KLHL1: variants seen among roughly 807,000 people sequenced by gnomAD.
KLHL1 encodes kelch-like protein 1.
KLHL1 carries 47 observed loss-of-function variants against 77.7 expected under a neutral mutation model. The observed-to-expected ratio is 0.60, with a 90% CI of 0.48 to 0.77. KLHL1 has a LOEUF of 0.77. Ranked by LOEUF, KLHL1 falls within the 30% of genes least tolerant of loss-of-function variation. The pLI is 0.00. For synonymous variants in KLHL1, 360 were observed against 325.2 expected (o/e 1.11, Z -1.15); for missense variants, 925 against 910.8 (o/e 1.02, Z -0.20).
intron 5 of KLHL1, among the ~76,000 whole-genome samples, chr13:69,875,140 G>A (rs530219848): frequency 2.4e-4 from 37 of 152,140 alleles, no homozygotes; most frequent in Middle Eastern, 3.4e-3. Context: ...TGAGATTGGG[G>A]GGAAAATTAC....
chr13:69,724,929 A>G (rs1873229681), intron 8 of KLHL1, among the ~76,000 whole-genome samples: 2 of 152,208 alleles, frequency 1.3e-5, no homozygotes, highest in South Asian at 2.1e-4. Context: ...ATTAATAAAT[A>G]TCATGTTTAC....
intron 8 of KLHL1, among the ~76,000 whole-genome samples, chr13:69,735,552 T>C (rs907015173): frequency 2.7e-5 from 4 of 149,228 alleles, no homozygotes; most frequent in Non-Finnish European, 6.0e-5. Flanking sequence ...ATTATTAATG[T>C]ATAAATAGAT....
intron 5 of KLHL1, among the ~76,000 whole-genome samples, chr13:69,873,071 T>G (rs1880643506): frequency 6.6e-6 from 1 of 152,198 alleles, no homozygotes; most frequent in Admixed American, 6.5e-5. Context: ...ACTCATATAG[T>G]GTTATTGTCA....
At chr13:69,811,747 C>G (rs1253111074) in intron 6 of KLHL1, among the ~76,000 whole-genome samples, 2 of 152,034 alleles carry the variant, frequency 1.3e-5, no homozygotes, top group Non-Finnish European at 2.9e-5. Context: ...TATCAAAAGA[C>G]CCTAGACTTA....
At chr13:69,821,196 C>G (rs1878322437) in intron 6 of KLHL1, among the ~76,000 whole-genome samples, 2 of 152,066 alleles carry the variant, frequency 1.3e-5, no homozygotes, top group African/African-American at 4.8e-5. Context: ...TAGATATGGT[C>G]ATAGTTTGAC....
chr13:69,814,227 C>T (rs1363995374), intron 6 of KLHL1, among the ~76,000 whole-genome samples: 1 of 152,144 alleles, frequency 6.6e-6, no homozygotes, highest in Admixed American at 6.5e-5. Flanking sequence ...TACCTCTCCA[C>T]ACATACAAAA....
At chr13:70,101,950 C>CAAAAA (rs553460889) in intron 1 of KLHL1, among the ~76,000 whole-genome samples, 155 of 128,898 alleles carry the variant, frequency 1.2e-3, no homozygotes, top group African/African-American at 3.8e-3. Context: ...GATAAAGTAG[C>CAAAAA]AAAAAAAAAA....
chr13:69,758,216 T>G (rs542202710), intron 7 of KLHL1, among the ~76,000 whole-genome samples: 2 of 152,204 alleles, frequency 1.3e-5, no homozygotes, highest in East Asian at 3.9e-4. Flanking sequence ...GATGATATAC[T>G]AAATTCTTGT....
At chr13:69,776,516 T>TATCA (rs757104155) in intron 7 of KLHL1, among the ~76,000 whole-genome samples, 16 of 152,216 alleles carry the variant, frequency 1.1e-4, no homozygotes, top group Admixed American at 2.0e-4. Context: ...TTTTAATATC[T>TATCA]ATCATTCTAA....
chr13:69,960,578 A>G (rs1170830689), intron 3 of KLHL1, among the ~76,000 whole-genome samples: 1 of 152,050 alleles, frequency 6.6e-6, no homozygotes, highest in African/African-American at 2.4e-5. Flanking sequence ...AACATTTGGC[A>G]TTATATCACA....
intron 7 of KLHL1, among the ~76,000 whole-genome samples, chr13:69,747,379 T>G (rs1340910709): frequency 6.6e-6 from 1 of 152,052 alleles, no homozygotes; most frequent in Non-Finnish European, 1.5e-5. Context: ...ATTGATATAG[T>G]CAAGTTTCTA....
In KLHL1 at chr13:69,975,731, T is replaced by C. The variant is rs1469248809; in HGVS notation, c.569A>G (p.Gln190Arg). 8.1e-6 allele frequency: 13 copies of C among 1,613,544 alleles called. No homozygotes were observed. Among genetic ancestry groups the C allele is most frequent in the Non-Finnish European group, 1.1e-5 (13 of 1,179,788 alleles). ...LDSSSSEEFYQAVHHAEQTFR... is the reference protein window; with the variant it reads ...LDSSSSEEFYRAVHHAEQTFR... ...GGTTTGCTCAGCATGATGAACAGCT[T>C]GATAGAATTCTTCAGAGCTACTGGA... The change falls in exon 2 of 11, where the codon CAA (glutamine) becomes CGA (arginine). Residue 190 changes from glutamine to arginine, a missense_variant. Physicochemically the swap from Gln to Arg is conservative, Grantham distance 43. Coordinates refer to ENST00000377844, the MANE Select transcript of KLHL1 (RefSeq NM_020866.3).
chr13:70,102,493 C>A (rs1887945270), intron 1 of KLHL1, among the ~76,000 whole-genome samples: 1 of 152,122 alleles, frequency 6.6e-6, no homozygotes. Flanking sequence ...AACATTCAAA[C>A]ACAATCTCCA....
intron 1 of KLHL1, among the ~76,000 whole-genome samples, chr13:70,000,261 C>A (rs1014622897): frequency 9.9e-5 from 15 of 151,582 alleles, no homozygotes; most frequent in Admixed American, 2.6e-4. Flanking sequence ...ATGGTAAGAA[C>A]CATTAATAAA....
At chr13:70,055,216 C>T (rs1886716328) in intron 1 of KLHL1, among the ~76,000 whole-genome samples, 1 of 152,042 alleles carries the variant, frequency 6.6e-6, no homozygotes, top group Admixed American at 6.6e-5. Context: ...ATACATCCGG[C>T]AGCTGACTTA....
intron 1 of KLHL1, among the ~76,000 whole-genome samples, chr13:69,989,545 T>C (rs1884972003): frequency 1.3e-5 from 2 of 152,078 alleles, no homozygotes; most frequent in Admixed American, 1.3e-4. Flanking sequence ...ATAAATTGCT[T>C]TGGGCAGTAT....
chr13:69,920,164 T>C (rs530850613), intron 4 of KLHL1, among the ~76,000 whole-genome samples: 1 of 152,270 alleles, frequency 6.6e-6, no homozygotes, highest in African/African-American at 2.4e-5. Context: ...TTTCTATTCA[T>C]TTGAAAGAGT....
chr13:70,099,445 C>T (rs1239254208), intron 1 of KLHL1, among the ~76,000 whole-genome samples: 1 of 151,758 alleles, frequency 6.6e-6, no homozygotes, highest in Admixed American at 6.6e-5. Context: ...TTCCCTTTTT[C>T]TCATCTCCTA....
intron 5 of KLHL1, among the ~76,000 whole-genome samples, chr13:69,852,264 G>A (rs143685216): frequency 2.3e-4 from 35 of 151,956 alleles, no homozygotes; most frequent in Non-Finnish European, 3.1e-4. Flanking sequence ...ATGGCCTCAC[G>A]TCTGTAAAAA....
Sources: gnomAD v4.1 joint callset for allele counts (sites outside exome capture counted in the v4.1 genomes callset) on GRCh38, gnomAD v4.1.1 for gene constraint, MANE v1.5 for transcripts, NCBI Gene and HGNC (gene_info 2026-07-23, HGNC 2026-07-21) for gene names.